Variants in MACROD2 observed in about 807,000 individuals in gnomAD.
MACROD2 encodes ADP-ribose glycohydrolase MACROD2.
A neutral mutation model predicts 70.4 loss-of-function variants in MACROD2; 36 were observed. That is an observed-to-expected ratio of 0.51 (90% CI 0.39 to 0.68). The LOEUF is 0.68. MACROD2 is among the 30% of genes least tolerant of loss of function. The probability of loss-of-function intolerance (pLI) is 0.00; values close to 1 mark genes in which losing one functional copy is unlikely to be tolerated. For missense variants in MACROD2, 496 were observed against 538.4 expected (o/e 0.92, Z 0.78); for synonymous variants, 172 against 178.8 (o/e 0.96, Z 0.30).
At chr20:14,991,419 A>G (rs1440986274) in intron 5 of MACROD2, among the ~76,000 whole-genome samples, 3 of 152,198 alleles carry the variant, frequency 2.0e-5, no homozygotes, top group East Asian at 1.9e-4. Context: ...CAAAGCCCTC[A>G]GCCTCTGCAC....
chr20:14,663,278 G>T (rs1277740987), intron 4 of MACROD2, among the ~76,000 whole-genome samples: 1 of 151,640 alleles, frequency 6.6e-6, no homozygotes, highest in Non-Finnish European at 1.5e-5. Flanking sequence ...GGAGCTAAAT[G>T]ATAAGAACAC....
At chr20:15,880,636 G>A (rs893350556) in intron 9 of MACROD2, among the ~76,000 whole-genome samples, 4 of 151,984 alleles carry the variant, frequency 2.6e-5, no homozygotes, top group Non-Finnish European at 5.9e-5. Flanking sequence ...GGCCACTTGG[G>A]AAGCAAGGGA....
intron 3 of MACROD2, among the ~76,000 whole-genome samples, chr20:14,448,238 G>C (rs182458579): frequency 2.1e-4 from 32 of 152,064 alleles, no homozygotes; most frequent in African/African-American, 7.7e-4. Flanking sequence ...TGTTTAATTT[G>C]TTAGACAAAC....
intron 6 of MACROD2, among the ~76,000 whole-genome samples, chr20:15,307,176 G>A (rs1042115538): frequency 6.6e-6 from 1 of 152,112 alleles, no homozygotes; most frequent in Non-Finnish European, 1.5e-5. Context: ...TCAAAGCTCT[G>A]CACCAAAGCT....
At chr20:14,842,152 G>T (rs534505362) in intron 5 of MACROD2, among the ~76,000 whole-genome samples, 2 of 152,034 alleles carry the variant, frequency 1.3e-5, no homozygotes, top group Non-Finnish European at 2.9e-5. Flanking sequence ...GAGACCGACC[G>T]TTCTCTAGAG....
At chr20:14,613,862 C>T (rs1209430005) in intron 4 of MACROD2, among the ~76,000 whole-genome samples, 1 of 152,152 alleles carries the variant, frequency 6.6e-6, no homozygotes, top group Non-Finnish European at 1.5e-5. Context: ...TTATCTAGCT[C>T]ATTTTTACCT....
In MACROD2 at chr20:15,425,103, T is replaced by A. The variant is rs535941862; in HGVS notation, c.541-6302T>A. On this transcript the variant is annotated intron_variant, in intron 6 of 17. Transcript: ENST00000684519. The stretch of plus-strand genomic sequence containing the variant: ...AGAAAAGTGCAGAGCCAACAGTGGG[T>A]CAGTCATTAAGGACTGGAGCAACAC... Among the ~76,000 whole-genome samples, 4 of 152,314 alleles carry A rather than the reference T, an allele frequency of 2.6e-5. No homozygotes were observed. The South Asian group carries it at 8.3e-4, about 32-fold the overall frequency.
At chr20:15,545,364 C>A (rs1028541546) in intron 8 of MACROD2, among the ~76,000 whole-genome samples, 17 of 152,126 alleles carry the variant, frequency 1.1e-4, no homozygotes, top group Non-Finnish European at 1.6e-4. Context: ...CGGTTGTAAT[C>A]CCAAGAACAT....
At chr20:15,912,336 A>G (rs998543018) in intron 10 of MACROD2, among the ~76,000 whole-genome samples, 1 of 152,220 alleles carries the variant, frequency 6.6e-6, no homozygotes, top group Admixed American at 6.5e-5. Context: ...GTTGGGTCTC[A>G]TCATCTGCTT....
chr20:15,634,763 T>G (rs529927010), intron 8 of MACROD2, among the ~76,000 whole-genome samples: 1 of 152,350 alleles, frequency 6.6e-6, no homozygotes, highest in Admixed American at 6.5e-5. Flanking sequence ...TGTGTCGTAC[T>G]GTGCCACAGG....
chr20:14,038,810 T>TA (rs1043801991), intron 2 of MACROD2, among the ~76,000 whole-genome samples: 1 of 151,990 alleles, frequency 6.6e-6, no homozygotes, highest in Non-Finnish European at 1.5e-5. Flanking sequence ...TTTATACCAT[T>TA]AAAAAAAAGT....
At chr20:14,849,403 C>T (rs1187562327) in intron 5 of MACROD2, among the ~76,000 whole-genome samples, 1 of 152,112 alleles carries the variant, frequency 6.6e-6, no homozygotes. Flanking sequence ...GATGTTGCGA[C>T]TCTAACTTCG....
chr20:15,099,391 C>A (rs192400274), intron 5 of MACROD2, among the ~76,000 whole-genome samples: 102 of 152,212 alleles, frequency 6.7e-4, no homozygotes, highest in African/African-American at 1.8e-3. Flanking sequence ...AGAAAAAAAT[C>A]TCTCTCTCCA....
chr20:15,203,508 T>A (rs1387805862), intron 5 of MACROD2, among the ~76,000 whole-genome samples: 1 of 152,156 alleles, frequency 6.6e-6, no homozygotes, highest in Non-Finnish European at 1.5e-5. Flanking sequence ...AAATATGTTA[T>A]TAAATTGACT....
chr20:15,017,041 C>A (rs1264804954), intron 5 of MACROD2, among the ~76,000 whole-genome samples: 2 of 152,110 alleles, frequency 1.3e-5, no homozygotes, highest in African/African-American at 4.8e-5. Context: ...ACCAATCATG[C>A]CTTCCCAGCA....
chr20:14,366,486 C>A (rs1279188650), intron 3 of MACROD2, among the ~76,000 whole-genome samples: 3 of 151,744 alleles, frequency 2.0e-5, no homozygotes, highest in African/African-American at 7.3e-5. Context: ...CTTGCCTCAG[C>A]CTCCCAAGTA....
chr20:15,737,529 C>CT (rs2051040277), intron 8 of MACROD2, among the ~76,000 whole-genome samples: 1 of 151,926 alleles, frequency 6.6e-6, no homozygotes, highest in Non-Finnish European at 1.5e-5. Flanking sequence ...GAGCAGTCAG[C>CT]ACATGATAGT....
rs192415091 is a variant in MACROD2, at chr20:15,031,947, C to T, written c.419-197993C>T. ...CCAGGGCACCCAGGCTGTTCGTGCCCAGGCCCGCACCGAGCTGACCGCCCC... is the reference window on the plus strand; with the variant it reads ...CCAGGGCACCCAGGCTGTTCGTGCCTAGGCCCGCACCGAGCTGACCGCCCC... On this transcript the variant is annotated intron_variant, in intron 5 of 17. Transcript: ENST00000684519. Among the ~76,000 whole-genome samples, 628 of 152,308 alleles carry T rather than the reference C, an allele frequency of 4.1e-3. 5 individuals carry two copies. The highest frequency in any genetic ancestry group is 0.015 in the African/African-American group (607 of 41,576).
intron 5 of MACROD2, among the ~76,000 whole-genome samples, chr20:14,756,725 AC>A (rs139569400): frequency 0.042 from 6,383 of 152,150 alleles, 478 homozygotes; most frequent in African/African-American, 0.15. Context: ...CTGAATCTTG[AC>A]AATGTTATAC....
Sources: allele counts gnomAD v4.1 joint callset (sites outside exome capture counted in the v4.1 genomes callset), GRCh38; gene constraint gnomAD v4.1.1; transcripts MANE v1.5; gene names NCBI Gene and HGNC (gene_info 2026-07-23, HGNC 2026-07-21).